The following SORCS2 variants were observed in gnomAD, a reference collection of about 807,000 sequenced individuals.
SORCS2 encodes VPS10 domain-containing receptor SorCS2.
Under a neutral mutation model 141.6 loss-of-function variants are expected in SORCS2, and 100 were observed. That is an observed-to-expected ratio of 0.71 (90% CI 0.60 to 0.83). The LOEUF (loss-of-function observed/expected upper bound fraction) is 0.83, where lower values mean the gene tolerates loss of function less well. Among genes scored for constraint, SORCS2 ranks in the 40% least tolerant of loss-of-function variants. The pLI is 0.00. For synonymous variants in SORCS2, 789 were observed against 676.9 expected, an observed-to-expected ratio of 1.17 and a Z score of -2.57; for missense variants, 1,646 against 1,560.2, an observed-to-expected ratio of 1.05 and a Z score of -0.93.
intron 2 of SORCS2, among the ~76,000 whole-genome samples, chr4:7,495,325 C>A (rs1273051283): frequency 1.3e-5 from 2 of 152,226 alleles, no homozygotes; most frequent in Non-Finnish European, 2.9e-5. Flanking sequence ...AGGCTGGGTT[C>A]AATGCGCCCA....
At chr4:7,353,168 G>T (rs1259727668) in intron 1 of SORCS2, among the ~76,000 whole-genome samples, 3 of 152,214 alleles carry the variant, frequency 2.0e-5, no homozygotes, top group Non-Finnish European at 4.4e-5. Flanking sequence ...GGCCCAGAGA[G>T]TGAACTGCCA....
intron 3 of SORCS2, among the ~76,000 whole-genome samples, chr4:7,605,603 T>C (rs777660261): frequency 3.9e-5 from 6 of 152,188 alleles, no homozygotes; most frequent in Non-Finnish European, 7.4e-5. Context: ...TTATTGCTGT[T>C]TCCCTATTGC....
intron 3 of SORCS2, among the ~76,000 whole-genome samples, chr4:7,588,435 A>G (rs1716686322): frequency 6.6e-6 from 1 of 152,170 alleles, no homozygotes; most frequent in Non-Finnish European, 1.5e-5. Context: ...GGTTTCTGCC[A>G]AGGCCACGTT....
intron 1 of SORCS2, among the ~76,000 whole-genome samples, chr4:7,216,767 CG>C (rs1476167071): frequency 6.6e-6 from 1 of 152,142 alleles, no homozygotes; most frequent in Non-Finnish European, 1.5e-5. Flanking sequence ...ACACCTGCAA[CG>C]TTTCTACAAG....
chr4:7,206,852 A>G (rs900365814), intron 1 of SORCS2, among the ~76,000 whole-genome samples: 2 of 152,096 alleles, frequency 1.3e-5, no homozygotes, highest in Admixed American at 6.5e-5. Context: ...ACAAGACAAA[A>G]CAAGAAACCC....
intron 2 of SORCS2, among the ~76,000 whole-genome samples, chr4:7,475,363 C>T (rs903041860): frequency 5.3e-5 from 8 of 152,100 alleles, no homozygotes; most frequent in East Asian, 3.9e-4. Context: ...GGTGAGGGGG[C>T]GAGCAAGGAG....
chr4:7,544,163 T>C (rs1713066295), intron 3 of SORCS2, among the ~76,000 whole-genome samples: 1 of 151,942 alleles, frequency 6.6e-6, no homozygotes, highest in African/African-American at 2.4e-5. Context: ...CATCCACTCA[T>C]CCATCCACTC....
chr4:7,387,423 A>G (rs1170984859), intron 1 of SORCS2, among the ~76,000 whole-genome samples: 1 of 80,456 alleles, frequency 1.2e-5, no homozygotes. Context: ...ACACACATGC[A>G]CACACACATA....
intron 3 of SORCS2, among the ~76,000 whole-genome samples, chr4:7,572,729 C>A (rs1715485129): frequency 1.3e-5 from 2 of 152,222 alleles, no homozygotes; most frequent in African/African-American, 4.8e-5. Flanking sequence ...AGTTCAGCTG[C>A]TACAGCTCCA....
At chr4:7,554,753 CA>C (rs1713979655) in intron 3 of SORCS2, among the ~76,000 whole-genome samples, 2 of 152,090 alleles carry the variant, frequency 1.3e-5, no homozygotes, top group African/African-American at 2.4e-5. Context: ...AAGAACATCC[CA>C]AAGAGAAATG....
intron 2 of SORCS2, among the ~76,000 whole-genome samples, chr4:7,493,197 A>G (rs4572883): frequency 0.97 from 147,821 of 152,300 alleles, 71,856 homozygotes; most frequent in East Asian, 1. Context: ...AGGGTTTGGG[A>G]CCCAGCCTGG....
At position 7,192,661 on chromosome 4, in the gene SORCS2, G is replaced by A. The variant is rs898637396; in HGVS notation, c.15G>A (p.Gly5=). MAHR[G]PSRASKGPGP... The stretch of plus-strand genomic sequence containing the variant: ...CCCTGGCGACCATGGCGCACCGGGG[G>A]CCCTCGCGCGCCTCGAAGGGCCCCG... Residue 5 remains glycine, a synonymous_variant, in exon 1 of 27, where the codon GGG becomes GGA. Coordinates refer to ENST00000507866, the MANE Select transcript of SORCS2 (RefSeq NM_020777.3). The surrounding 1 kb of genome is among the most constrained non-coding windows in gnomAD (Gnocchi z 4.0). 1.6e-5 allele frequency: 16 copies of A among 987,310 alleles called. No individual in the cohort carries two copies. In the South Asian group the frequency reaches 2.3e-4, roughly 14 times the overall value. The allele number at this position is 987,310 out of a possible 1,614,324, so 61.2% of individuals were successfully genotyped here. A position where few individuals can be genotyped will look rare whatever the true frequency, so the allele number is the denominator to read the frequency against.
intron 1 of SORCS2, among the ~76,000 whole-genome samples, chr4:7,260,312 A>C (rs1441561416): frequency 2.0e-5 from 3 of 152,030 alleles, no homozygotes; most frequent in Non-Finnish European, 4.4e-5. Context: ...TGGGTTTATC[A>C]TAGGAGGGTC....
chr4:7,264,412 A>T (rs868080269), intron 1 of SORCS2, among the ~76,000 whole-genome samples: 2 of 152,092 alleles, frequency 1.3e-5, no homozygotes, highest in Non-Finnish European at 2.9e-5. Context: ...AGGTGTGGGC[A>T]TCTGTCCCCT....
intron 1 of SORCS2, among the ~76,000 whole-genome samples, chr4:7,260,575 A>G (rs1458220288): frequency 6.6e-6 from 1 of 152,230 alleles, no homozygotes. Context: ...TACTACCCCA[A>G]ATGATCATGG....
chr4:7,225,596 C>G (rs944002984), intron 1 of SORCS2, among the ~76,000 whole-genome samples: 15 of 152,070 alleles, frequency 9.9e-5, no homozygotes, highest in Admixed American at 5.9e-4. Context: ...TGGTTCAGGC[C>G]CAGCTGGGGG....
chr4:7,660,633 C>CA (rs768185939), intron 5 of SORCS2, among the ~76,000 whole-genome samples: 1 of 152,170 alleles, frequency 6.6e-6, no homozygotes, highest in Non-Finnish European at 1.5e-5. Context: ...CAGACCTGGG[C>CA]AGGAGCCTGA....
chr4:7,725,589 G>T (rs1196582394), intron 20 of SORCS2, among the ~76,000 whole-genome samples: 3 of 152,196 alleles, frequency 2.0e-5, no homozygotes, highest in African/African-American at 4.8e-5. Context: ...CAGGTAGGTG[G>T]GCTGCATGAG....
intron 1 of SORCS2, among the ~76,000 whole-genome samples, chr4:7,312,245 AGT>A (rs1335276774): frequency 6.6e-6 from 1 of 152,184 alleles, no homozygotes; most frequent in Non-Finnish European, 1.5e-5. Flanking sequence ...ATAATTTATC[AGT>A]GTTTTTGTCT....
Sources: gnomAD v4.1 joint callset for allele counts (sites outside exome capture counted in the v4.1 genomes callset) on GRCh38, gnomAD v4.1.1 for gene constraint, Gnocchi (gnomAD v3.1) non-coding constraint, MANE v1.5 for transcripts, NCBI Gene and HGNC (gene_info 2026-07-23, HGNC 2026-07-21) for gene names.